Variants in LYRM4 observed in about 807,000 individuals in gnomAD.
The protein encoded by LYRM4 is LYR motif-containing protein 4.
Under a neutral mutation model 11.7 loss-of-function variants are expected in LYRM4, and 9 were observed. That is an observed-to-expected ratio of 0.77 (90% CI 0.46 to 1.34). The LOEUF (loss-of-function observed/expected upper bound fraction) is 1.34, where lower values mean the gene tolerates loss of function less well. LYRM4 is among the 40% of genes most tolerant of loss of function. The probability of loss-of-function intolerance (pLI) is 0.00; values close to 1 mark genes in which losing one functional copy is unlikely to be tolerated. For missense variants in LYRM4, 133 were observed against 112.5 expected (o/e 1.18, Z -0.82); for synonymous variants, 42 against 40.4 (o/e 1.04, Z -0.15).
chr6:5,164,967 CAA>C (rs34814956), intron 2 of LYRM4, among the ~76,000 whole-genome samples: 9 of 105,082 alleles, frequency 8.6e-5, no homozygotes, highest in Non-Finnish European at 9.2e-5. Flanking sequence ...GACTGTGTCT[CAA>C]AAAAAAAAAA....
chr6:5,046,497 C>T, the LYRM4 span, among the ~76,000 whole-genome samples: 2 of 152,186 alleles, frequency 1.3e-5, no homozygotes, highest in African/African-American at 2.4e-5. Context: ...CGGAGTCTCT[C>T]GCGTGGCTGC....
intron 1 of LYRM4, among the ~76,000 whole-genome samples, chr6:5,219,062 T>C (rs1762436318): frequency 6.6e-6 from 1 of 152,230 alleles, no homozygotes; most frequent in South Asian, 2.1e-4. Flanking sequence ...TTGTTTAAAT[T>C]TTTCATTTCG....
intron 1 of LYRM4, among the ~76,000 whole-genome samples, chr6:5,252,593 C>T (rs2753239): frequency 2.6e-5 from 4 of 152,012 alleles, no homozygotes; most frequent in South Asian, 4.1e-4. Flanking sequence ...TTCTTCCCAC[C>T]GTTTTCTCTC....
At position 5,160,542 on chromosome 6, in the gene LYRM4, A is replaced by G. The variant is rs58823982; in HGVS notation, c.208-51051T>C. Among the ~76,000 whole-genome samples, 650 of 152,180 alleles carry G rather than the reference A, an allele frequency of 4.3e-3. 11 individuals are homozygous for G. Among genetic ancestry groups the G allele is most frequent in the African/African-American group, 0.015 (628 of 41,530 alleles). ...AGATTTAAAGGATATTAAAGGACTG[A>G]GCACCACCAAGGCTGTTTTTTAAAG... is the stretch of plus-strand genomic sequence containing the variant. On this transcript the variant is annotated intron_variant, in intron 2 of 2. Coordinates refer to ENST00000330636, the MANE Select transcript of LYRM4 (RefSeq NM_020408.6).
downstream of LYRM4, among the ~76,000 whole-genome samples, chr6:5,100,976 G>A (rs1762481154): frequency 6.6e-6 from 1 of 152,018 alleles, no homozygotes; most frequent in Non-Finnish European, 1.5e-5. Context: ...CCAGCCCCTA[G>A]TCCCCTTACG....
At chr6:5,162,876 T>C (rs545410370) in intron 2 of LYRM4, among the ~76,000 whole-genome samples, 77 of 152,342 alleles carry the variant, frequency 5.1e-4, no homozygotes, top group Non-Finnish European at 8.4e-4. Flanking sequence ...AATCCTTGTA[T>C]GTTAATTGGC....
chr6:5,232,499 GA>G (rs1763300016), intron 1 of LYRM4, among the ~76,000 whole-genome samples: 1 of 152,216 alleles, frequency 6.6e-6, no homozygotes, highest in Non-Finnish European at 1.5e-5. Context: ...GAAGTACCAG[GA>G]AGAATTTGCT....
Position 5,108,434 on chromosome 6 carries a change from A to G in LYRM4, c.*989T>C. ...TTTCCAAGAATAAAAGCATACAAAC[A>G]ATATCTTTATTACCTGTAATATACT... On this transcript the variant is annotated 3_prime_UTR_variant, in exon 3 of 3. Transcript: ENST00000330636. 3.1e-6 allele frequency: 3 copies of G among 977,036 alleles called. No individual in the cohort carries two copies. Among genetic ancestry groups the G allele is most frequent in the Non-Finnish European group, 3.6e-6 (3 of 822,158 alleles). The allele number at this position is 977,036 out of a possible 1,614,324, so 60.5% of individuals were successfully genotyped here. A position where few individuals can be genotyped will look rare whatever the true frequency, so the allele number is the denominator to read the frequency against.
chr6:5,217,148 G>A (rs1454128946), intron 1 of LYRM4, among the ~76,000 whole-genome samples: 1 of 152,186 alleles, frequency 6.6e-6, no homozygotes, highest in Non-Finnish European at 1.5e-5. Context: ...GCGAGACCCT[G>A]TCTTAAAAGA....
chr6:5,035,276 T>C, the LYRM4 span, among the ~76,000 whole-genome samples: 1 of 152,108 alleles, frequency 6.6e-6, no homozygotes, highest in African/African-American at 2.4e-5. Context: ...GAACTCTCTG[T>C]AGTTGCCTGA....
chr6:5,255,889 C>T (rs1764641365), intron 1 of LYRM4, among the ~76,000 whole-genome samples: 1 of 152,154 alleles, frequency 6.6e-6, no homozygotes, highest in African/African-American at 2.4e-5. Flanking sequence ...AACTACTAAC[C>T]TAAATAGTAT....
intron 2 of LYRM4, among the ~76,000 whole-genome samples, chr6:5,187,773 TAAAAG>T (rs1407942905): frequency 6.6e-6 from 1 of 151,662 alleles, no homozygotes; most frequent in African/African-American, 2.4e-5. Context: ...TAAATAAAAA[TAAAAG>T]ACAGGTTTTT....
rs917208020 is a variant in LYRM4 at position 5,186,470 on chromosome 6, A to G, written c.207+30148T>C. 1.2e-5 allele frequency: 9 copies of G among 776,122 alleles called. 1 individual carries two copies. In the East Asian group the frequency reaches 6.4e-4, roughly 55 times the overall value. The allele number at this position is 776,122 out of a possible 1,614,324, so 48.1% of individuals were successfully genotyped here. On this transcript the variant is annotated intron_variant, in intron 2 of 2. Coordinates refer to ENST00000330636, the MANE Select transcript of LYRM4 (RefSeq NM_020408.6). ...AAAATGTCTCCTTATTCCATAAATG[A>G]TACTAGGACAGGAGAAAGTTATCAT...
chr6:5,085,535 C>G, the LYRM4 span: 1 of 1,539,742 alleles, frequency 6.5e-7, no homozygotes, highest in South Asian at 1.2e-5. Context: ...GGACCAGCGC[C>G]CTTCCGAGAG....
Position 5,120,146 on chromosome 6 carries a change from C to T in LYRM4, c.208-10655G>A, listed in dbSNP as rs906270722. 3.6e-4 allele frequency among the ~76,000 whole-genome samples: 55 copies of T among 152,244 alleles called. 1 individual carries two copies. The highest frequency in any genetic ancestry group is 9.9e-4 in the African/African-American group (41 of 41,550). On this transcript the variant is annotated intron_variant, in intron 2 of 2. Transcript: ENST00000330636. ...TCCTGACCTCGGGATCCATCCACCT[C>T]GGCCTCCCAAAGTGCTAGGATTATA...
chr6:5,123,438 T>C (rs1050602690), intron 2 of LYRM4, among the ~76,000 whole-genome samples: 2 of 152,188 alleles, frequency 1.3e-5, no homozygotes, highest in Non-Finnish European at 2.9e-5. Context: ...TAAGCTCTTC[T>C]GTAGGACCCC....
At chr6:5,073,954 G>A in the LYRM4 span, among the ~76,000 whole-genome samples, 109,628 of 152,016 alleles carry the variant, frequency 0.72, 39,758 homozygotes, top group East Asian at 0.9. Context: ...TGGGAGCACA[G>A]GGGGCCACAG....
the LYRM4 span, among the ~76,000 whole-genome samples, chr6:5,053,473 A>G: frequency 2.0e-5 from 3 of 152,028 alleles, no homozygotes; most frequent in Non-Finnish European, 4.4e-5. Context: ...AGATGGAAAG[A>G]GAAAGAAAAC....
intron 2 of LYRM4, among the ~76,000 whole-genome samples, chr6:5,214,944 T>C (rs957748558): frequency 1.3e-5 from 2 of 151,402 alleles, no homozygotes; most frequent in African/African-American, 2.4e-5. Context: ...CAGGCTGCCC[T>C]GGGGAGGGCG....
Sources: gnomAD v4.1 joint callset for allele counts (sites outside exome capture counted in the v4.1 genomes callset) on GRCh38, gnomAD v4.1.1 for gene constraint, MANE v1.5 for transcripts, NCBI Gene and HGNC (gene_info 2026-07-23, HGNC 2026-07-21) for gene names.